IBTK: variants seen among roughly 807,000 people sequenced by gnomAD.
IBTK encodes the protein BTK-binding protein.
Under a neutral mutation model 154.9 loss-of-function variants are expected in IBTK, and 83 were observed. The observed-to-expected ratio is 0.54, with a 90% CI of 0.45 to 0.64. The LOEUF is 0.64. IBTK is among the 30% of genes least tolerant of loss of function. The pLI is 0.00. For missense variants in IBTK, 1,332 were observed against 1,584.6 expected (o/e 0.84, Z 2.71); for synonymous variants, 515 against 536.1 (o/e 0.96, Z 0.54).
chr6:82,233,155 CAAAAAAAAA>C (rs35870814), intron 3 of IBTK, among the ~76,000 whole-genome samples: 21 of 93,390 alleles, frequency 2.2e-4, no homozygotes, highest in Non-Finnish European at 1.9e-4. Context: ...GAAACTGTCT[CAAAAAAAAA>C]AAAAAAAAAA....
chr6:82,225,747 T>C, intron 5 of IBTK, 100 bp from the exon 6 acceptor site: 1 of 842,302 alleles, frequency 1.2e-6, no homozygotes, highest in Non-Finnish European at 1.8e-6. Context: ...TGAAATGACA[T>C]GACTGATACA....
At position 82,194,559 on chromosome 6, in the gene IBTK, A is replaced by C. The variant is rs779775162; in HGVS notation, c.3258T>G (p.Leu1086=). ...DLKPWEKSPI[L]KISAPQPIPS... is the part of the protein sequence containing the mutation. ...GAATAGGCTGTGGAGCAGATATTTT[A>C]AGTATTGGTGACTTTTCCCATGGTT... The change falls in exon 23 of 29, where the codon CTT becomes CTG. Residue 1086 remains leucine, a synonymous_variant. Transcript: ENST00000306270. 10 of 1,612,014 alleles carry C rather than the reference A, an allele frequency of 6.2e-6. No individual in the cohort carries two copies. Among genetic ancestry groups the C allele is most frequent in the Non-Finnish European group, 7.6e-6 (9 of 1,178,794 alleles).
At chr6:82,193,079 C>G (rs1768837161) in intron 23 of IBTK, among the ~76,000 whole-genome samples, 1 of 138,226 alleles carries the variant, frequency 7.2e-6, no homozygotes, top group Admixed American at 7.5e-5. Context: ...GCCTGGGCAA[C>G]AGAGCAAGAC....
rs562855596 is a variant in IBTK at position 82,216,350 on chromosome 6, A to C, written c.1427-100T>G. On this transcript the variant is annotated intron_variant, in intron 10 of 28. Coordinates refer to ENST00000306270, the MANE Select transcript of IBTK (RefSeq NM_015525.4). ...TAGAAAAGGAGTTAGAAAAATATGGAAATCTTTTTCACATATATTCAGTGT... is the reference window on the plus strand; with the variant it reads ...TAGAAAAGGAGTTAGAAAAATATGGCAATCTTTTTCACATATATTCAGTGT... 1.8e-5 allele frequency: 14 copies of C among 764,744 alleles called. No individual in the cohort carries two copies. In the African/African-American group the frequency reaches 2.5e-4, roughly 14 times the overall value. 47.4% of individuals were successfully genotyped at this position (764,744 alleles called of 1,614,324 possible). A position where few individuals can be genotyped will look rare whatever the true frequency, so the allele number is the denominator to read the frequency against.
chr6:82,221,963 G>A (rs530107025), intron 8 of IBTK, among the ~76,000 whole-genome samples: 8 of 152,132 alleles, frequency 5.3e-5, no homozygotes, highest in South Asian at 4.1e-4. Context: ...TCAGGAGTTC[G>A]AGACCAACCT....
At chr6:82,211,285 T>C (rs1769626208) in intron 15 of IBTK, 82 bp downstream of exon 15, 24 of 1,101,126 alleles carry the variant, frequency 2.2e-5, no homozygotes, top group Non-Finnish European at 3.1e-5. Context: ...CAGTTCTGAT[T>C]TTGAATTTCT....
In IBTK at chr6:82,191,198, T is replaced by C. The variant is rs1768755960; in HGVS notation, c.3450A>G (p.Gly1150=). The C allele has an allele frequency of 1.9e-6, 3 of 1,607,666 alleles. No homozygotes were observed. In the East Asian group the frequency reaches 6.7e-5, roughly 36 times the overall value. ...KSHLGKTVSH[G]VKLSQKQRKM... is the part of the protein sequence containing the mutation. ...TTCGTTGCTTCTGAGAAAGTTTAAC[T>C]CCATGAGAAACTGTTTTGCTAGAAA... Residue 1150 remains glycine, a synonymous_variant, in exon 25 of 29, where the codon GGA becomes GGG. Transcript: ENST00000306270.
At chr6:82,227,802 C>T (rs1297051064) in intron 4 of IBTK, among the ~76,000 whole-genome samples, 1 of 151,920 alleles carries the variant, frequency 6.6e-6, no homozygotes, top group Non-Finnish European at 1.5e-5. Context: ...TTTTCTTTAT[C>T]TTTGGTTTTA....
rs975352464 is a variant in IBTK at position 82,173,290 on chromosome 6, C to T, written c.3797+77G>A. ...GTGCTGGGATTATAGGCATGAGCCACTGCACTCAGCCTTAATGTTTTCAAT... is the reference window on the plus strand; with the variant it reads ...GTGCTGGGATTATAGGCATGAGCCATTGCACTCAGCCTTAATGTTTTCAAT... On this transcript the variant is annotated intron_variant, in intron 27 of 28. Coordinates refer to ENST00000306270, the MANE Select transcript of IBTK (RefSeq NM_015525.4). The T allele has an allele frequency of 6.7e-6, 7 of 1,042,214 alleles. No individual in the cohort carries two copies. The African/African-American group carries it at 1.1e-4, about 16-fold the overall frequency. 64.6% of individuals were successfully genotyped at this position (1,042,214 alleles called of 1,614,324 possible).
Position 82,211,410 on chromosome 6 carries a change from A to C in IBTK, c.2375-6T>G. The C allele has an allele frequency of 6.2e-7, 1 of 1,609,168 alleles. No homozygotes were observed. The highest frequency in any genetic ancestry group is 8.5e-7 in the Non-Finnish European group (1 of 1,177,508). On this transcript the variant is annotated splice_polypyrimidine_tract_variant and splice_region_variant and intron_variant, in intron 14 of 28. Transcript: ENST00000306270. ...CAGCATACTATGAAAATATTCTAAA[A>C]GAAAAAAAAGTTCAATGCAATAAGA...
At position 82,243,888 on chromosome 6, in the gene IBTK, C is replaced by T. The variant is rs557084983; in HGVS notation, c.-357-3045G>A. ...AATTCATTAGTATATATAATGTAAACATTTAAAGGGGGGAAAAAAGAATGT... is the reference window on the plus strand; with the variant it reads ...AATTCATTAGTATATATAATGTAAATATTTAAAGGGGGGAAAAAAGAATGT... On this transcript the variant is annotated intron_variant, in intron 1 of 28. Transcript: ENST00000306270. Among the ~76,000 whole-genome samples, 3 of 151,922 alleles carry T rather than the reference C, an allele frequency of 2.0e-5. No homozygotes were observed. The South Asian group carries it at 6.2e-4, about 32-fold the overall frequency.
chr6:82,185,009 C>G (rs1267617817), intron 25 of IBTK, among the ~76,000 whole-genome samples: 2 of 151,378 alleles, frequency 1.3e-5, no homozygotes, highest in Admixed American at 6.6e-5. Context: ...ATGATGAAAC[C>G]CCATCTCTAC....
intron 10 of IBTK, among the ~76,000 whole-genome samples, chr6:82,216,578 A>G (rs1769883270): frequency 1.3e-5 from 2 of 152,196 alleles, no homozygotes; most frequent in African/African-American, 2.4e-5. Flanking sequence ...TTCAACTTAT[A>G]CTTCCTGTTG....
At chr6:82,232,147 G>A (rs1248406571) in intron 3 of IBTK, among the ~76,000 whole-genome samples, 1 of 151,342 alleles carries the variant, frequency 6.6e-6, no homozygotes, top group African/African-American at 2.4e-5. Flanking sequence ...CTCCCACCTC[G>A]GCCCCCCAAA....
intron 16 of IBTK, among the ~76,000 whole-genome samples, chr6:82,210,167 T>C (rs2127812451): frequency 6.6e-6 from 1 of 152,326 alleles, no homozygotes; most frequent in Non-Finnish European, 1.5e-5. Flanking sequence ...TTTTAATCTG[T>C]TTCTTTCAAG....
At chr6:82,176,592 T>C (rs1768127419) in intron 26 of IBTK, among the ~76,000 whole-genome samples, 1 of 147,702 alleles carries the variant, frequency 6.8e-6, no homozygotes, top group African/African-American at 2.5e-5. Context: ...GACATTTCAG[T>C]GAAAGGAAAA....
intron 8 of IBTK, 52 bp downstream of exon 8, chr6:82,223,388 G>C: frequency 7.1e-7 from 1 of 1,408,672 alleles, no homozygotes; most frequent in South Asian, 1.4e-5. Context: ...ATATTTGCTG[G>C]AAGAGTTGAA....
In IBTK at chr6:82,214,611, T is replaced by C; in HGVS notation, c.1820A>G (p.Gln607Arg). Residue 607 changes from glutamine (Q) to arginine (R), a missense_variant, in exon 12 of 29, where the codon CAG becomes CGG. This residue lies in a region of IBTK where 1,134 missense variants were observed against 1,274.7 expected (regional missense o/e 0.89). Coordinates refer to ENST00000306270, the MANE Select transcript of IBTK (RefSeq NM_015525.4). ...GCACCCTGCAGAATCTTCATCTTTCTGGTAAATATCTGTAAATTCTGAAGT... is the reference window on the plus strand; with the variant it reads ...GCACCCTGCAGAATCTTCATCTTTCCGGTAAATATCTGTAAATTCTGAAGT... ...GNTSEFTDIYQKDEDSAGCHL... is the reference protein window; with the variant it reads ...GNTSEFTDIYRKDEDSAGCHL... 1.2e-6 allele frequency: 2 copies of C among 1,614,100 alleles called. No individual in the cohort carries two copies. The highest frequency in any genetic ancestry group is 1.7e-6 in the Non-Finnish European group (2 of 1,179,992).
intron 1 of IBTK, among the ~76,000 whole-genome samples, chr6:82,244,758 C>T (rs932940501): frequency 1.3e-5 from 2 of 152,032 alleles, no homozygotes. Context: ...AGGAAATAAG[C>T]ATTTAAAGAC....
Sources: gnomAD v4.1 joint callset for allele counts (sites outside exome capture counted in the v4.1 genomes callset) on GRCh38, gnomAD v4.1.1 for gene constraint, gnomAD v4.1.1 regional missense constraint, MANE v1.5 for transcripts, NCBI Gene and HGNC (gene_info 2026-07-23, HGNC 2026-07-21) for gene names.